Variants in DCC observed in about 807,000 individuals in gnomAD.
The protein encoded by DCC is netrin receptor DCC.
Under a neutral mutation model 172.5 loss-of-function variants are expected in DCC, and 58 were observed. The ratio of observed to expected loss-of-function variants is 0.34; its 90% CI spans 0.27 to 0.42. The LOEUF is 0.42. Ranked by LOEUF, DCC falls within the 10% of genes least tolerant of loss-of-function variation. DCC has a pLI of 1.00. For missense variants in DCC, 1,740 were observed against 1,791.0 expected, an observed-to-expected ratio of 0.97 and a Z score of 0.51; for synonymous variants, 709 against 644.5, an observed-to-expected ratio of 1.10 and a Z score of -1.52.
chr18:52,376,229 A>G (rs1372231653), intron 1 of DCC, among the ~76,000 whole-genome samples: 1 of 152,188 alleles, frequency 6.6e-6, no homozygotes. Flanking sequence ...AATTGGAGGA[A>G]CACTCTGTAC....
rs189816779 is a variant in DCC, at chr18:52,802,406, C to T, written c.412+50032C>T. Among the ~76,000 whole-genome samples the T allele has an allele frequency of 2.7e-3, 416 of 151,720 alleles. 4 individuals carry two copies. The highest frequency in any genetic ancestry group is 9.6e-3 in the African/African-American group (399 of 41,384). ...TATATATAACTGTACGTAATTGACC[C>T]TTGAACAAAACAGGGTTAGCCATGC... On this transcript the variant is annotated intron_variant, in intron 2 of 28. Coordinates refer to ENST00000442544, the MANE Select transcript of DCC (RefSeq NM_005215.4).
At chr18:53,427,566 A>C (rs992453666) in intron 21 of DCC, among the ~76,000 whole-genome samples, 34 of 116,756 alleles carry the variant, frequency 2.9e-4, no homozygotes, top group Non-Finnish European at 4.3e-4. Flanking sequence ...CGGGCAAGGG[A>C]GATAGTCAAG....
At chr18:52,704,813 T>C (rs150177562) in intron 1 of DCC, among the ~76,000 whole-genome samples, 53 of 151,974 alleles carry the variant, frequency 3.5e-4, no homozygotes, top group African/African-American at 1.2e-3. Flanking sequence ...TTTTGTATCT[T>C]TGTATGGGTG....
chr18:53,492,986 T>C (rs1186694241), intron 26 of DCC, among the ~76,000 whole-genome samples: 3 of 152,220 alleles, frequency 2.0e-5, no homozygotes, highest in Non-Finnish European at 4.4e-5. Context: ...TTGTGTCCTC[T>C]CTTATTTCCT....
intron 27 of DCC, among the ~76,000 whole-genome samples, chr18:53,522,775 T>G (rs1048760350): frequency 1.1e-4 from 16 of 152,238 alleles, no homozygotes; most frequent in African/African-American, 3.4e-4. Flanking sequence ...CAAGATGGAT[T>G]AAAGACTTAA....
intron 1 of DCC, among the ~76,000 whole-genome samples, chr18:52,720,665 AGG>A (rs1426171697): frequency 6.6e-6 from 1 of 152,222 alleles, no homozygotes. Flanking sequence ...AGGTGAATGA[AGG>A]GGAGATGAAA....
At chr18:53,312,106 G>C (rs1481185977) in intron 13 of DCC, among the ~76,000 whole-genome samples, 1 of 146,506 alleles carries the variant, frequency 6.8e-6, no homozygotes, top group African/African-American at 2.5e-5. Flanking sequence ...TCAAGAGATC[G>C]AGACCATCCT....
At chr18:53,430,398 C>G (rs1911540561) in intron 21 of DCC, among the ~76,000 whole-genome samples, 1 of 152,120 alleles carries the variant, frequency 6.6e-6, no homozygotes, top group Admixed American at 6.6e-5. Flanking sequence ...ACCACATCCA[C>G]TTTTCTCCAT....
chr18:52,877,175 T>C (rs1484728422), intron 2 of DCC, among the ~76,000 whole-genome samples: 14 of 152,182 alleles, frequency 9.2e-5, no homozygotes, highest in Admixed American at 9.2e-4. Context: ...GGGGTCCAGA[T>C]ACTTGTATGT....
At chr18:52,357,892 C>T (rs1195108604) in intron 1 of DCC, among the ~76,000 whole-genome samples, 8 of 150,166 alleles carry the variant, frequency 5.3e-5, no homozygotes, top group South Asian at 4.2e-4. Context: ...GAGCTGAGAT[C>T]GCGCCACTGC....
At chr18:52,703,425 C>T (rs1292023943) in intron 1 of DCC, among the ~76,000 whole-genome samples, 1 of 152,168 alleles carries the variant, frequency 6.6e-6, no homozygotes, top group Non-Finnish European at 1.5e-5. Context: ...TCTCAGACCT[C>T]ATCTTATGGG....
intron 25 of DCC, among the ~76,000 whole-genome samples, chr18:53,473,306 C>T (rs1214395194): frequency 1.3e-5 from 2 of 152,192 alleles, no homozygotes; most frequent in Non-Finnish European, 2.9e-5. Flanking sequence ...TTCATATTCA[C>T]ACATTTTATT....
intron 1 of DCC, among the ~76,000 whole-genome samples, chr18:52,642,180 A>T (rs1214877740): frequency 1.3e-5 from 2 of 151,778 alleles, no homozygotes; most frequent in African/African-American, 4.8e-5. Context: ...GGTGACCTGG[A>T]TGAGATTGGA....
At chr18:52,348,145 G>C (rs8083764) in intron 1 of DCC, among the ~76,000 whole-genome samples, 3 of 151,920 alleles carry the variant, frequency 2.0e-5, no homozygotes, top group African/African-American at 7.3e-5. Context: ...CATCTATGTG[G>C]ATTCATATTG....
intron 24 of DCC, among the ~76,000 whole-genome samples, chr18:53,460,781 T>C (rs1171753265): frequency 6.6e-6 from 1 of 152,182 alleles, no homozygotes; most frequent in Non-Finnish European, 1.5e-5. Flanking sequence ...TTTATAGTCC[T>C]TTGGGTATAT....
intron 9 of DCC, among the ~76,000 whole-genome samples, chr18:53,179,628 C>G (rs2055164748): frequency 6.6e-6 from 1 of 152,126 alleles, no homozygotes; most frequent in African/African-American, 2.4e-5. Flanking sequence ...TAATCTCACT[C>G]CCTCTACCTT....
chr18:52,979,065 T>A (rs531805191), intron 5 of DCC, among the ~76,000 whole-genome samples: 1 of 152,134 alleles, frequency 6.6e-6, no homozygotes, highest in East Asian at 1.9e-4. Context: ...TGTGCTTTTT[T>A]AAAAAATATC....
intron 15 of DCC, among the ~76,000 whole-genome samples, chr18:53,359,263 C>G (rs1238791854): frequency 6.6e-6 from 1 of 152,114 alleles, no homozygotes; most frequent in African/African-American, 2.4e-5. Flanking sequence ...TTCCAAGAGT[C>G]CATGCTGTAT....
At chr18:53,342,099 C>T (rs1212955003) in intron 15 of DCC, among the ~76,000 whole-genome samples, 3 of 151,902 alleles carry the variant, frequency 2.0e-5, no homozygotes, top group South Asian at 4.1e-4. Context: ...TATAAAAAAG[C>T]TATTTGTTTT....
Sources: gnomAD v4.1 joint callset for allele counts (sites outside exome capture counted in the v4.1 genomes callset) on GRCh38, gnomAD v4.1.1 for gene constraint, MANE v1.5 for transcripts, NCBI Gene and HGNC (gene_info 2026-07-23, HGNC 2026-07-21) for gene names.